Variants in DHCR24 observed in about 807,000 individuals in gnomAD.
The protein encoded by DHCR24 is delta(24)-sterol reductase.
A neutral mutation model predicts 61.2 loss-of-function variants in DHCR24; 28 were observed. That is an observed-to-expected ratio of 0.46 (90% confidence interval 0.34 to 0.63). The LOEUF is 0.63. DHCR24 is among the 20% of genes least tolerant of loss of function. DHCR24 has a pLI of 0.01. For synonymous variants in DHCR24, 261 were observed against 275.9 expected, an observed-to-expected ratio of 0.95 and a Z score of 0.54; for missense variants, 538 against 679.1, an observed-to-expected ratio of 0.79 and a Z score of 2.31.
At chr1:54,856,025 C>A (rs1646905889) in intron 6 of DHCR24, among the ~76,000 whole-genome samples, 1 of 152,046 alleles carries the variant, frequency 6.6e-6, no homozygotes. Context: ...AGCAGAGGAG[C>A]TTTGAAAAAA....
At chr1:54,870,835 TACA>T (rs1424506182) in intron 5 of DHCR24, among the ~76,000 whole-genome samples, 2 of 43,556 alleles carry the variant, frequency 4.6e-5, no homozygotes, top group African/African-American at 1.0e-4. Flanking sequence ...CCAAGTCTCT[TACA>T]ATAAGCACAA....
At chr1:54,858,720 C>T (rs1646920741) in intron 6 of DHCR24, among the ~76,000 whole-genome samples, 1 of 152,142 alleles carries the variant, frequency 6.6e-6, no homozygotes, top group Non-Finnish European at 1.5e-5. Flanking sequence ...TCACCACAAC[C>T]TCCGCTTCTG....
intron 6 of DHCR24, among the ~76,000 whole-genome samples, chr1:54,861,830 C>T (rs1374244199): frequency 1.3e-5 from 2 of 152,178 alleles, no homozygotes; most frequent in African/African-American, 2.4e-5. Flanking sequence ...TCATTTCCCA[C>T]TCTCCGAGGG....
At chr1:54,872,265 T>G (rs1197342482) in intron 4 of DHCR24, among the ~76,000 whole-genome samples, 1 of 152,198 alleles carries the variant, frequency 6.6e-6, no homozygotes, top group Non-Finnish European at 1.5e-5. Context: ...CTACAACACC[T>G]CATCTGCTTC....
chr1:54,862,685 A>C lies in DHCR24; in HGVS notation c.1020+2618T>G, dbSNP rs562231178. ...GGCTCCAACCTCCACTGAACTCCTGAAGTCCCGACACACGTCACTGGCTCC... is the reference window on the plus strand; with the variant it reads ...GGCTCCAACCTCCACTGAACTCCTGCAGTCCCGACACACGTCACTGGCTCC... On this transcript the variant is annotated intron_variant, in intron 6 of 8. Transcript: ENST00000371269. Among the ~76,000 whole-genome samples, 63 of 152,238 alleles carry C rather than the reference A, an allele frequency of 4.1e-4. No homozygotes were observed. In the Middle Eastern group the frequency reaches 0.014, roughly 33 times the overall value.
rs752767678 is a variant in DHCR24 at position 54,851,822 on chromosome 1, T to C, written c.*411A>G. On this transcript the variant is annotated 3_prime_UTR_variant, in exon 9 of 9. Coordinates refer to ENST00000371269, the MANE Select transcript of DHCR24 (RefSeq NM_014762.4). ...AATGTGGAGCCTTTTCAGGCTCCAC[T>C]GCAGATGTGACGCTGAACGGGAAGC... 2.1e-5 allele frequency: 5 copies of C among 242,646 alleles called. No individual in the cohort carries two copies. The highest frequency in any genetic ancestry group is 4.1e-5 in the Non-Finnish European group (5 of 123,068). 15.0% of individuals were successfully genotyped at this position (242,646 alleles called of 1,614,324 possible). A position where few individuals can be genotyped will look rare whatever the true frequency, so the allele number is the denominator to read the frequency against.
chr1:54,875,049 G>A, intron 4 of DHCR24, 44 bp downstream of exon 4: 1 of 1,544,246 alleles, frequency 6.5e-7, no homozygotes, highest in Non-Finnish European at 9.0e-7. Context: ...GATCCTTAAT[G>A]CCCAGAGCAG....
At chr1:54,875,843 T>C (rs535559192) in intron 3 of DHCR24, 99 bp downstream of exon 3, 4 of 912,066 alleles carry the variant, frequency 4.4e-6, no homozygotes, top group South Asian at 2.7e-5. Context: ...ACAGATGGAA[T>C]AGCGGCAATT....
At chr1:54,874,851 A>G (rs1380555732) in intron 4 of DHCR24, among the ~76,000 whole-genome samples, 1 of 151,350 alleles carries the variant, frequency 6.6e-6, no homozygotes, top group African/African-American at 2.4e-5. Context: ...TCTATAAAAT[A>G]GGGATAATAA....
At chr1:54,876,073 G>C in intron 2 of DHCR24, 26 bp from the exon 3 acceptor site, 1 of 1,595,558 alleles carries the variant, frequency 6.3e-7, no homozygotes, top group Non-Finnish European at 8.6e-7. Flanking sequence ...AAGAGACCCT[G>C]GGTCAAAAGG....
chr1:54,873,544 A>G (rs182718533), intron 4 of DHCR24, among the ~76,000 whole-genome samples: 169 of 152,348 alleles, frequency 1.1e-3, no homozygotes, highest in African/African-American at 3.9e-3. Flanking sequence ...TGACAGCTCC[A>G]TGTGTGTTAT....
At chr1:54,868,912 C>T (rs935518614) in intron 5 of DHCR24, among the ~76,000 whole-genome samples, 1 of 152,042 alleles carries the variant, frequency 6.6e-6, no homozygotes, top group African/African-American at 2.4e-5. Flanking sequence ...ACTAAAAATA[C>T]CAAAATCAGC....
chr1:54,865,060 CCGG>C (rs1253106597), intron 6 of DHCR24, among the ~76,000 whole-genome samples: 3 of 152,184 alleles, frequency 2.0e-5, no homozygotes, highest in African/African-American at 7.2e-5. Flanking sequence ...CCCCAAAGTA[CCGG>C]CCCAGGGGCT....
intron 5 of DHCR24, among the ~76,000 whole-genome samples, chr1:54,871,035 T>G (rs1646995592): frequency 6.6e-6 from 1 of 152,226 alleles, no homozygotes; most frequent in Non-Finnish European, 1.5e-5. Flanking sequence ...TGTGAGCCAC[T>G]GTGCCCAGCC....
Position 54,883,753 on chromosome 1 carries a change from C to T in DHCR24, c.252G>A (p.Gln84=). ...IQKQVREWKE[Q]GSKTFMCTGR... is the part of the protein sequence containing the mutation. ...CCGTGCACATGAAGGTCTTGCTACC[C>T]TGCTCCTTCCATTCCCGCACCTGCA... Residue 84 remains glutamine (Q), a synonymous_variant, in exon 2 of 9, where the codon CAG becomes CAA. Transcript: ENST00000371269. The surrounding 1 kb of genome is among the most constrained non-coding windows in gnomAD (Gnocchi z 4.3). 1 of 1,614,230 alleles carries T rather than the reference C, an allele frequency of 6.2e-7. No individual in the cohort carries two copies. The highest frequency in any genetic ancestry group is 1.7e-4 in the Middle Eastern group (1 of 6,050).
intron 4 of DHCR24, among the ~76,000 whole-genome samples, chr1:54,873,447 T>C (rs1647010062): frequency 6.6e-6 from 1 of 152,206 alleles, no homozygotes; most frequent in South Asian, 2.1e-4. Flanking sequence ...AGTGTACTCT[T>C]TCTGCTTATT....
intron 2 of DHCR24, among the ~76,000 whole-genome samples, chr1:54,880,164 C>T (rs589895): frequency 0.9 from 136,767 of 152,298 alleles, 61,481 homozygotes; most frequent in East Asian, 0.99. Context: ...AACGAAAGAC[C>T]TGACATAGCT....
At chr1:54,880,807 A>AAAC (rs1647060186) in intron 2 of DHCR24, among the ~76,000 whole-genome samples, 2 of 128,682 alleles carry the variant, frequency 1.6e-5, no homozygotes, top group East Asian at 2.3e-4. Flanking sequence ...AACAAACAAA[A>AAAC]CCCCCACAAT....
chr1:54,886,820 C>T (rs1647100498), intron 1 of DHCR24, 69 bp downstream of exon 1: 1 of 1,575,744 alleles, frequency 6.3e-7, no homozygotes, highest in Non-Finnish European at 8.6e-7. Context: ...CCGTCGCCAC[C>T]TCGCGTCCCG....
Sources: allele counts gnomAD v4.1 joint callset (sites outside exome capture counted in the v4.1 genomes callset), GRCh38; gene constraint gnomAD v4.1.1; non-coding constraint Gnocchi (gnomAD v3.1); transcripts MANE v1.5; gene names NCBI Gene and HGNC (gene_info 2026-07-23, HGNC 2026-07-21).